RYR2: variants seen among roughly 807,000 people sequenced by gnomAD.
RYR2 encodes ryanodine receptor 2, also known as cardiac muscle ryanodine receptor-calcium release channel.
In RYR2, 227 loss-of-function variants were observed where a neutral mutation model predicts 601.1. The observed-to-expected ratio is 0.38, with a 90% confidence interval of 0.34 to 0.42. The LOEUF (loss-of-function observed/expected upper bound fraction) is 0.42, where lower values mean the gene tolerates loss of function less well. Among genes scored for constraint, RYR2 ranks in the 10% least tolerant of loss-of-function variants. The pLI, the probability that RYR2 is intolerant of heterozygous loss-of-function variation, is 1.00. For synonymous variants in RYR2, 2,223 were observed against 2,175.1 expected (o/e 1.02, Z -0.61); for missense variants, 4,646 against 6,156.5 (o/e 0.75, Z 8.21).
At chr1:237,803,540 A>T (rs182442313) in intron 98 of RYR2, among the ~76,000 whole-genome samples, 2,092 of 151,920 alleles carry the variant, frequency 0.014, 19 homozygotes, top group African/African-American at 0.032. Context: ...GACCTCGTGA[A>T]CCGACCGCCT....
chr1:237,065,623 C>T (rs1186903777), intron 1 of RYR2, among the ~76,000 whole-genome samples: 1 of 152,086 alleles, frequency 6.6e-6, no homozygotes, highest in African/African-American at 2.4e-5. Flanking sequence ...TCCTTAGTGC[C>T]ACCATCCCTA....
chr1:237,462,427 T>C (rs529827096), intron 16 of RYR2, among the ~76,000 whole-genome samples: 189 of 152,294 alleles, frequency 1.2e-3, no homozygotes, highest in Non-Finnish European at 1.4e-3. Flanking sequence ...GCGATACTCA[T>C]AGTTGGAAAA....
chr1:237,813,299 C>G (rs1032121830), intron 100 of RYR2, among the ~76,000 whole-genome samples: 1 of 152,186 alleles, frequency 6.6e-6, no homozygotes, highest in Non-Finnish European at 1.5e-5. Flanking sequence ...TATCTACCAG[C>G]CTCAGGGCAG....
At chr1:237,432,938 G>T (rs1706976267) in intron 12 of RYR2, among the ~76,000 whole-genome samples, 1 of 150,004 alleles carries the variant, frequency 6.7e-6, no homozygotes, top group African/African-American at 2.5e-5. Context: ...ATTTTCAGAA[G>T]TTTGTAGATA....
intron 8 of RYR2, among the ~76,000 whole-genome samples, chr1:237,380,898 T>C (rs549289499): frequency 1.3e-5 from 2 of 151,764 alleles, no homozygotes; most frequent in South Asian, 4.2e-4. Context: ...GCCAACATGG[T>C]GAAGCCCCGT....
chr1:237,377,629 A>C (rs1701149990), intron 8 of RYR2, among the ~76,000 whole-genome samples, 194 bp downstream of exon 8: 1 of 152,218 alleles, frequency 6.6e-6, no homozygotes, highest in Non-Finnish European at 1.5e-5. Flanking sequence ...ATAGCTTATC[A>C]GGTTGTTCAG....
chr1:237,309,533 A>G (rs1008530539), intron 2 of RYR2, among the ~76,000 whole-genome samples: 1 of 152,228 alleles, frequency 6.6e-6, no homozygotes, highest in African/African-American at 2.4e-5. Flanking sequence ...AAGTTCTCCA[A>G]TTCCCCACTA....
intron 46 of RYR2, among the ~76,000 whole-genome samples, chr1:237,640,141 GGTA>G (rs1357527076): frequency 6.6e-6 from 1 of 151,996 alleles, no homozygotes; most frequent in Non-Finnish European, 1.5e-5. Flanking sequence ...CACTAGCAAG[GGTA>G]CACCTGAGGG....
intron 1 of RYR2, among the ~76,000 whole-genome samples, chr1:237,142,718 A>G (rs1433855818): frequency 6.6e-6 from 1 of 152,174 alleles, no homozygotes; most frequent in Non-Finnish European, 1.5e-5. Flanking sequence ...GGTCAGACAC[A>G]CAGAGGGACC....
chr1:237,388,269 C>A, intron 10 of RYR2, 86 bp downstream of exon 10: 1 of 1,073,200 alleles, frequency 9.3e-7, no homozygotes, highest in Non-Finnish European at 1.4e-6. Flanking sequence ...TTCATTCAGG[C>A]CAGTAGCATC....
chr1:237,774,333 A>G (rs1168902917), intron 87 of RYR2, among the ~76,000 whole-genome samples: 1 of 152,188 alleles, frequency 6.6e-6, no homozygotes, highest in African/African-American at 2.4e-5. Context: ...TGGCTTTGTG[A>G]GACTAAACAT....
chr1:237,164,568 G>T (rs1415717), intron 1 of RYR2, among the ~76,000 whole-genome samples: 1 of 152,126 alleles, frequency 6.6e-6, no homozygotes, highest in African/African-American at 2.4e-5. Context: ...AATGATGAGG[G>T]CCAGGCAGTA....
rs557690923 is a variant in RYR2, at chr1:237,243,933, G to A, written c.49-26564G>A. Among the ~76,000 whole-genome samples, 26 of 152,290 alleles carry A rather than the reference G, an allele frequency of 1.7e-4. No homozygotes were observed. In the South Asian group the frequency reaches 3.9e-3, roughly 23 times the overall value. ...ACACATTATGCCAGCTGTGAGATAG[G>A]CAGAGAGAGCTCCTCCTTCCTCAGT... is the stretch of plus-strand genomic sequence containing the variant. On this transcript the variant is annotated intron_variant, in intron 1 of 104. Transcript: ENST00000366574.
chr1:237,605,938 A>C (rs1291993906), intron 35 of RYR2, among the ~76,000 whole-genome samples: 1 of 151,618 alleles, frequency 6.6e-6, no homozygotes, highest in Non-Finnish European at 1.5e-5. Flanking sequence ...AAATGGAAGA[A>C]CATTCCATGC....
At chr1:237,594,901 T>TTTGTTTTTTG (rs1559084137) in intron 33 of RYR2, among the ~76,000 whole-genome samples, 2 of 20,268 alleles carry the variant, frequency 9.9e-5, no homozygotes, top group African/African-American at 1.8e-4. Context: ...TTTTTTTTTT[T>TTTGTTTTTTG]TTTTTTTTTT....
chr1:237,508,812 G>T (rs562851350), intron 23 of RYR2, among the ~76,000 whole-genome samples: 26 of 139,310 alleles, frequency 1.9e-4, no homozygotes, highest in Admixed American at 1.5e-3. Flanking sequence ...GCGGGATCTC[G>T]GCTCACTGCA....
chr1:237,416,368 C>G (rs1033241457), intron 10 of RYR2, among the ~76,000 whole-genome samples: 2 of 152,082 alleles, frequency 1.3e-5, no homozygotes, highest in African/African-American at 2.4e-5. Flanking sequence ...AATCTCAAGG[C>G]GTTGGTGCAG....
intron 2 of RYR2, among the ~76,000 whole-genome samples, chr1:237,295,884 C>G (rs12132084): frequency 0.28 from 39,460 of 140,906 alleles, 5,922 homozygotes; most frequent in South Asian, 0.41. Flanking sequence ...GAGCAGAGAT[C>G]GAGACAGAGT....
chr1:237,046,168 A>G (rs941082258), intron 1 of RYR2, among the ~76,000 whole-genome samples: 3 of 152,214 alleles, frequency 2.0e-5, no homozygotes. Flanking sequence ...GGTGACAATT[A>G]TGCAGTATAG....
Sources: allele counts gnomAD v4.1 joint callset (sites outside exome capture counted in the v4.1 genomes callset), GRCh38; gene constraint gnomAD v4.1.1; transcripts MANE v1.5; gene names NCBI Gene and HGNC (gene_info 2026-07-23, HGNC 2026-07-21).